The following MSR1 variants were observed in gnomAD, a reference collection of about 807,000 sequenced individuals.
MSR1 encodes the protein macrophage scavenger receptor types I and II.
MSR1 carries 53 observed loss-of-function variants against 47.2 expected under a neutral mutation model. That is an observed-to-expected ratio of 1.12 (90% CI 0.90 to 1.41). The LOEUF is 1.41. MSR1 is among the 40% of genes most tolerant of loss of function. MSR1 has a pLI of 0.00. For synonymous variants in MSR1, 239 were observed against 185.6 expected (o/e 1.29, Z -2.34); for missense variants, 786 against 546.9 (o/e 1.44, Z -4.36).
In MSR1 at chr8:16,167,402, G is replaced by A. The variant is rs181295884; in HGVS notation, c.630+1056C>T. On this transcript the variant is annotated intron_variant, in intron 4 of 9. Coordinates refer to ENST00000262101, the MANE Select transcript of MSR1 (RefSeq NM_138715.3). ...TCCACTAAAAATACAGAAATTAGCC[G>A]GGTGAGGTAGCACGTACCTTTGATC... Among the ~76,000 whole-genome samples, 23 of 152,150 alleles carry A rather than the reference G, an allele frequency of 1.5e-4. No homozygotes were observed. The East Asian group carries it at 3.5e-3, about 23-fold the overall frequency.
rs964468 is a variant in MSR1, at chr8:16,116,595, A to G, written c.1222+3823T>C. 1.4e-4 allele frequency among the ~76,000 whole-genome samples: 21 copies of G among 152,072 alleles called. No homozygotes were observed. The East Asian group carries it at 2.1e-3, about 15-fold the overall frequency. ...GTCATTCTATTCCTTATTTAAGTTT[A>G]AAAAAAACCATTTTCTTCTTAGTAT... On this transcript the variant is annotated intron_variant, in intron 9 of 9. Transcript: ENST00000262101.
Position 16,110,136 on chromosome 8 carries a change from C to T in MSR1, c.1305G>A (p.Gly435=). ...SIEECKIRQW[G]TRACSHSEDA... ...CTTCAGAATGTGAACAGGCTCTTGT[C>T]CCCCATTGCCGAATTTTACATTCTT... The change falls in exon 10 of 10, where the codon GGG becomes GGA. Residue 435 remains glycine (G), a synonymous_variant. Coordinates refer to ENST00000262101, the MANE Select transcript of MSR1 (RefSeq NM_138715.3). The T allele has an allele frequency of 6.2e-7, 1 of 1,613,618 alleles. No homozygotes were observed. The highest frequency in any genetic ancestry group is 8.5e-7 in the Non-Finnish European group (1 of 1,179,696).
intron 1 of MSR1, among the ~76,000 whole-genome samples, chr8:16,191,697 A>G (rs1038576409): frequency 6.6e-5 from 10 of 152,268 alleles, no homozygotes; most frequent in African/African-American, 2.4e-4. Flanking sequence ...CTCCCAGAAG[A>G]TTAGCTCTTA....
intron 1 of MSR1, among the ~76,000 whole-genome samples, chr8:16,184,819 A>C (rs1156700798): frequency 6.6e-6 from 1 of 151,804 alleles, no homozygotes; most frequent in Admixed American, 6.6e-5. Context: ...TTTTTTTAGC[A>C]TATAGAAGTG....
At chr8:16,135,112 T>A (rs1210092289) in intron 8 of MSR1, among the ~76,000 whole-genome samples, 2 of 152,160 alleles carry the variant, frequency 1.3e-5, no homozygotes, top group Non-Finnish European at 2.9e-5. Context: ...CTAGTTAGGA[T>A]AATTGATGAA....
chr8:16,165,090 G>A (rs1349489103), intron 4 of MSR1, among the ~76,000 whole-genome samples: 2 of 151,990 alleles, frequency 1.3e-5, no homozygotes, highest in Non-Finnish European at 2.9e-5. Flanking sequence ...ATGCTGCCAT[G>A]AACATCATTT....
chr8:16,172,437 G>T (rs1801512564), intron 3 of MSR1, among the ~76,000 whole-genome samples: 1 of 152,044 alleles, frequency 6.6e-6, no homozygotes, highest in African/African-American at 2.4e-5. Context: ...TCTAGGTAAA[G>T]AATGCCAGGA....
Position 16,107,985 on chromosome 8 carries a change from G to A in MSR1, c.*2100C>T, listed in dbSNP as rs991012744. On this transcript the variant is annotated 3_prime_UTR_variant, in exon 10 of 10. Transcript: ENST00000262101. ...ATTAGGTTCTTTTCTTGACTGGACT[G>A]AACTTAGTAGATTCTCTCAAATACA... is the stretch of plus-strand genomic sequence containing the variant. The A allele has an allele frequency of 2.6e-5, 4 of 151,578 alleles. No individual in the cohort carries two copies. The highest frequency in any genetic ancestry group is 9.7e-5 in the African/African-American group (4 of 41,278). The allele number at this position is 151,578 out of a possible 1,614,324, so 9.4% of individuals were successfully genotyped here.
At chr8:16,151,797 C>T (rs1230097661) in intron 6 of MSR1, among the ~76,000 whole-genome samples, 1 of 152,124 alleles carries the variant, frequency 6.6e-6, no homozygotes, top group Non-Finnish European at 1.5e-5. Context: ...GTGTCCTGCT[C>T]CATTCAGGCT....
intron 5 of MSR1, among the ~76,000 whole-genome samples, chr8:16,156,063 C>T (rs1289815581): frequency 6.6e-6 from 1 of 151,870 alleles, no homozygotes; most frequent in African/African-American, 2.4e-5. Flanking sequence ...TACCTAAACA[C>T]CATGTTCCAT....
Position 16,107,891 on chromosome 8 carries a change from T to G in MSR1, c.*2194A>C, listed in dbSNP as rs1799671422. On this transcript the variant is annotated 3_prime_UTR_variant, in exon 10 of 10. Coordinates refer to ENST00000262101, the MANE Select transcript of MSR1 (RefSeq NM_138715.3). ...AAAAAAACCAAATCGCAAATTTCTG[T>G]TTTTTTTAATGGAACAAATGCAATT... 1.6e-5 allele frequency: 2 copies of G among 125,156 alleles called. No individual in the cohort carries two copies. Among genetic ancestry groups the G allele is most frequent in the South Asian group, 2.8e-4 (1 of 3,620 alleles). 7.8% of individuals were successfully genotyped at this position (125,156 alleles called of 1,614,324 possible). A position where few individuals can be genotyped will look rare whatever the true frequency, so the allele number is the denominator to read the frequency against.
chr8:16,170,288 C>G (rs1801444323), intron 3 of MSR1, among the ~76,000 whole-genome samples: 3 of 151,412 alleles, frequency 2.0e-5, no homozygotes, highest in African/African-American at 7.3e-5. Context: ...GCAGAGGTTG[C>G]AGTGAGCCGA....
chr8:16,118,096 G>C (rs1799918748), intron 9 of MSR1, among the ~76,000 whole-genome samples: 1 of 152,040 alleles, frequency 6.6e-6, no homozygotes, highest in Admixed American at 6.6e-5. Flanking sequence ...AATTCATCCA[G>C]ACTAGTGGTA....
intron 2 of MSR1, among the ~76,000 whole-genome samples, chr8:16,176,863 C>T (rs746520307): frequency 2.9e-4 from 44 of 152,260 alleles, no homozygotes; most frequent in Middle Eastern, 3.4e-3. Context: ...AGCACAAGAT[C>T]CACTGTGCCC....
intron 5 of MSR1, among the ~76,000 whole-genome samples, chr8:16,155,678 G>A (rs1800985500): frequency 6.6e-6 from 1 of 151,838 alleles, no homozygotes; most frequent in Admixed American, 6.6e-5. Flanking sequence ...GAATGGTGAT[G>A]GTTGAAGTCT....
chr8:16,172,464 T>A (rs1008798354), intron 3 of MSR1, among the ~76,000 whole-genome samples: 1 of 152,140 alleles, frequency 6.6e-6, no homozygotes, highest in African/African-American at 2.4e-5. Context: ...TTTTCAAAAG[T>A]TCACTTATTT....
intron 5 of MSR1, among the ~76,000 whole-genome samples, chr8:16,156,999 GACAGA>G (rs1801030698): frequency 6.6e-6 from 1 of 151,928 alleles, no homozygotes; most frequent in African/African-American, 2.4e-5. Flanking sequence ...GGGCAAGCAG[GACAGA>G]CACTCAATTT....
chr8:16,157,345 TC>T (rs1801039560), intron 5 of MSR1, among the ~76,000 whole-genome samples: 1 of 151,920 alleles, frequency 6.6e-6, no homozygotes, highest in African/African-American at 2.4e-5. Context: ...ATTAGTTCAA[TC>T]ACAGCGAATA....
chr8:16,175,044 T>A (rs1801600251), intron 3 of MSR1, 143 bp downstream of exon 3: 3 of 706,580 alleles, frequency 4.2e-6, no homozygotes, highest in Admixed American at 2.5e-5. Flanking sequence ...TTTTTTAACT[T>A]AACAAATTTG....
Sources: allele counts gnomAD v4.1 joint callset (sites outside exome capture counted in the v4.1 genomes callset), GRCh38; gene constraint gnomAD v4.1.1; transcripts MANE v1.5; gene names NCBI Gene and HGNC (gene_info 2026-07-23, HGNC 2026-07-21).